The following EPN2 variants were observed in gnomAD, a reference collection of about 807,000 sequenced individuals.
The protein encoded by EPN2 is epsin 2.
Under a neutral mutation model 61.7 loss-of-function variants are expected in EPN2, and 34 were observed. The ratio of observed to expected loss-of-function variants is 0.55; its 90% CI spans 0.42 to 0.73. The LOEUF (loss-of-function observed/expected upper bound fraction) is 0.73, where lower values mean the gene tolerates loss of function less well. EPN2 is among the 30% of genes least tolerant of loss of function. The pLI, the probability that EPN2 is intolerant of heterozygous loss-of-function variation, is 0.00. For synonymous variants in EPN2, 349 were observed against 353.6 expected (o/e 0.99, Z 0.15); for missense variants, 714 against 839.2 (o/e 0.85, Z 1.84).
chr17:19,270,860 G>A (rs1032804313), intron 1 of EPN2, among the ~76,000 whole-genome samples: 3 of 152,174 alleles, frequency 2.0e-5, no homozygotes, highest in African/African-American at 4.8e-5. Context: ...GTGCTGGTTC[G>A]TGTGGAGCAT....
intron 1 of EPN2, among the ~76,000 whole-genome samples, chr17:19,276,792 G>GTTTTTTTTTTTTTTTTTTTTTTTTTTT (rs2045311547): frequency 2.2e-5 from 1 of 45,076 alleles, no homozygotes; most frequent in African/African-American, 1.9e-4. Context: ...TTTTTTTTTT[G>GTTTTTTTTTTTTTTTTTTTTTTTTTTT]CTGTATTGGG....
At chr17:19,264,877 A>T (rs376666756) in intron 1 of EPN2, among the ~76,000 whole-genome samples, 268 of 152,164 alleles carry the variant, frequency 1.8e-3, no homozygotes, top group African/African-American at 6.2e-3. Flanking sequence ...TGCAGTCCAG[A>T]GGTCGTGGGA....
Position 19,283,631 on chromosome 17 carries a change from G to C in EPN2, c.512G>C (p.Gly171Ala). 1 of 1,613,882 alleles carries C rather than the reference G, an allele frequency of 6.2e-7. No homozygotes were observed. The highest frequency in any genetic ancestry group is 8.5e-7 in the Non-Finnish European group (1 of 1,180,026). The change falls in exon 3 of 11, where the codon GGC becomes GCC. Residue 171 changes from glycine to alanine, a missense_variant. Gly to Ala is a moderately conservative substitution (Grantham distance 60). This residue lies in a region of EPN2 where 304 missense variants were observed against 417.4 expected (regional missense o/e 0.73). Coordinates refer to ENST00000314728, the MANE Select transcript of EPN2 (RefSeq NM_014964.5). This position sits in a 1 kb window ranked among gnomAD's most constrained non-coding sequence, Gnocchi z 7.0. The part of the protein sequence containing the change: ...MGSNQITFGR[G>A]SSQPNLSTSH... ...AGCAACCAGATCACCTTTGGGCGAG[G>C]CTCCAGCCAGCCCAACCTCTCCACC...
At chr17:19,295,538 A>T (rs530474399) in intron 4 of EPN2, among the ~76,000 whole-genome samples, 1 of 152,140 alleles carries the variant, frequency 6.6e-6, no homozygotes, top group Admixed American at 6.5e-5. Flanking sequence ...CTCTCAGAAA[A>T]AAAAGAAAAG....
intron 1 of EPN2, among the ~76,000 whole-genome samples, chr17:19,267,844 C>T (rs142863841): frequency 6.6e-6 from 1 of 152,296 alleles, no homozygotes; most frequent in East Asian, 1.9e-4. Context: ...TCCGGCCAAT[C>T]AGCTTTTATA....
chr17:19,251,569 G>T (rs1486955395), intron 1 of EPN2, among the ~76,000 whole-genome samples: 2 of 152,148 alleles, frequency 1.3e-5, no homozygotes, highest in African/African-American at 2.4e-5. Context: ...GAGTAGCTGG[G>T]ATTAGAGGTG....
At chr17:19,317,767 A>G (rs1399113916) in intron 7 of EPN2, among the ~76,000 whole-genome samples, 1 of 152,144 alleles carries the variant, frequency 6.6e-6, no homozygotes, top group African/African-American at 2.4e-5. Context: ...GGAGAGGGAG[A>G]GCACAGAGAG....
At chr17:19,243,719 A>G (rs552778633) in intron 1 of EPN2, among the ~76,000 whole-genome samples, 20 of 151,932 alleles carry the variant, frequency 1.3e-4, no homozygotes, top group African/African-American at 4.8e-4. Context: ...TTGTATTTTT[A>G]GTAGAGATGG....
chr17:19,269,537 G>T (rs1281086032), intron 1 of EPN2, among the ~76,000 whole-genome samples: 5 of 152,192 alleles, frequency 3.3e-5, no homozygotes, highest in Non-Finnish European at 5.9e-5. Flanking sequence ...ACGTTTTTAG[G>T]AATAGTTTTA....
chr17:19,286,019 G>A (rs2045401436), intron 4 of EPN2, among the ~76,000 whole-genome samples: 1 of 152,214 alleles, frequency 6.6e-6, no homozygotes, highest in African/African-American at 2.4e-5. Context: ...CAAAGGTTTA[G>A]CAGGGGAGCT....
intron 1 of EPN2, among the ~76,000 whole-genome samples, chr17:19,250,850 C>G (rs1301199425): frequency 2.0e-5 from 3 of 147,070 alleles, no homozygotes; most frequent in Non-Finnish European, 3.0e-5. Flanking sequence ...CCCTGCACCT[C>G]CCCCCTCACT....
Position 19,283,345 on chromosome 17 carries a change from A to T in EPN2, c.226A>T (p.Lys76Ter). The change falls in exon 3 of 11, where the codon AAG becomes TAG. Residue 76 changes from lysine (K) to a stop codon, truncating the protein, a stop_gained. Coordinates refer to ENST00000314728, the MANE Select transcript of EPN2 (RefSeq NM_014964.5). LOFTEE classifies it high-confidence loss of function. This position sits in a 1 kb window ranked among gnomAD's most constrained non-coding sequence, Gnocchi z 7.0. ...DHGKNWRHVYKALTLLDYLIK... is the reference protein window; with the variant it reads ...DHGKNWRHVY ...TGGCAAGAACTGGCGGCATGTGTAC[A>T]AGGCGCTGACCCTGCTGGACTACCT... The T allele has an allele frequency of 6.2e-7, 1 of 1,614,114 alleles. No individual in the cohort carries two copies.
At chr17:19,311,861 C>T (rs1411217659) in intron 5 of EPN2, among the ~76,000 whole-genome samples, 191 bp from the exon 6 acceptor site, 2 of 152,226 alleles carry the variant, frequency 1.3e-5, no homozygotes, top group African/African-American at 2.4e-5. Context: ...TCACAGGAGT[C>T]GCCATGAGGG....
At chr17:19,314,291 TGA>T (rs1906283491) in intron 7 of EPN2, among the ~76,000 whole-genome samples, 1 of 146,076 alleles carries the variant, frequency 6.8e-6, no homozygotes, top group Non-Finnish European at 1.5e-5. Flanking sequence ...CATCCTGGGA[TGA>T]GATGAGACTC....
chr17:19,317,921 A>G (rs2152234689), intron 7 of EPN2, among the ~76,000 whole-genome samples: 1 of 152,294 alleles, frequency 6.6e-6, no homozygotes, highest in Admixed American at 6.5e-5. Flanking sequence ...TCACATTTCA[A>G]GAAAGCAAGG....
chr17:19,321,126 AG>A (rs1906618770), intron 7 of EPN2, among the ~76,000 whole-genome samples: 1 of 152,148 alleles, frequency 6.6e-6, no homozygotes, highest in African/African-American at 2.4e-5. Flanking sequence ...GCTGGCATAG[AG>A]GCTGCAGAGT....
chr17:19,289,924 C>T (rs901421780), intron 4 of EPN2, among the ~76,000 whole-genome samples: 1 of 151,798 alleles, frequency 6.6e-6, no homozygotes, highest in Non-Finnish European at 1.5e-5. Context: ...GAGGTTTCAT[C>T]ATGTTGGCCA....
At chr17:19,239,349 G>A (rs2044856917) in intron 1 of EPN2, among the ~76,000 whole-genome samples, 4 of 152,034 alleles carry the variant, frequency 2.6e-5, no homozygotes, top group African/African-American at 7.3e-5. Context: ...ACGGGATTTC[G>A]CCACGTTGGC....
chr17:19,332,111 G>T, intron 10 of EPN2, 43 bp downstream of exon 10: 1 of 1,484,206 alleles, frequency 6.7e-7, no homozygotes, highest in South Asian at 1.1e-5. Flanking sequence ...TGCTGTGCCT[G>T]GGAATGGGTG....
Sources: gnomAD v4.1 joint callset for allele counts (sites outside exome capture counted in the v4.1 genomes callset) on GRCh38, gnomAD v4.1.1 for gene constraint, gnomAD v4.1.1 regional missense constraint, Gnocchi (gnomAD v3.1) non-coding constraint, MANE v1.5 for transcripts, NCBI Gene and HGNC (gene_info 2026-07-23, HGNC 2026-07-21) for gene names.